The following CBX3 variants were observed in gnomAD, a reference collection of about 807,000 sequenced individuals.
CBX3 encodes the protein chromobox protein homolog 3.
Under a neutral mutation model 22.6 loss-of-function variants are expected in CBX3, and 5 were observed. The observed-to-expected ratio is 0.22, with a 90% CI of 0.12 to 0.47. The LOEUF (loss-of-function observed/expected upper bound fraction) is 0.47. CBX3 is among the 20% of genes least tolerant of loss of function. The pLI, the probability that CBX3 is intolerant of heterozygous loss-of-function variation, is 0.99. For synonymous variants in CBX3, 50 were observed against 66.6 expected (o/e 0.75, Z 1.21); for missense variants, 83 against 208.1 (o/e 0.40, Z 3.70).
chr7:26,205,224 CAT>C (rs1320605123), intron 2 of CBX3, among the ~76,000 whole-genome samples: 3 of 152,124 alleles, frequency 2.0e-5, no homozygotes, highest in Non-Finnish European at 4.4e-5. Context: ...TTAGTCCTCT[CAT>C]AGGAAATCTT....
rs1037384815 is a variant in CBX3, at chr7:26,203,130, C to G, written c.24+108C>G. 8.7e-6 allele frequency: 6 copies of G among 689,074 alleles called. No homozygotes were observed. In the Admixed American group the frequency reaches 1.3e-4, roughly 15 times the overall value. The allele number at this position is 689,074 out of a possible 1,614,324, so 42.7% of individuals were successfully genotyped here. ...GAGAAATTTACATCCACATATTTCC[C>G]AGCTCTCCCAGTGTAAATTACAGGG... On this transcript the variant is annotated intron_variant, in intron 2 of 5. Transcript: ENST00000396386.
intron 1 of CBX3, chr7:26,202,698 A>C (rs572700048): frequency 9.4e-5 from 38 of 403,736 alleles, no homozygotes; most frequent in African/African-American, 6.5e-4. Context: ...AATGGGACTT[A>C]GATTGGAAAA....
chr7:26,205,856 C>A (rs1394358123), intron 2 of CBX3, among the ~76,000 whole-genome samples: 1 of 152,172 alleles, frequency 6.6e-6, no homozygotes, highest in African/African-American at 2.4e-5. Context: ...GAGGCCCAGG[C>A]TGGTGAATCA....
In CBX3 at chr7:26,211,771, AT is replaced by A. The variant is rs1329067253; in HGVS notation, c.425+17del. 3.3e-6 allele frequency: 5 copies of A among 1,519,280 alleles called. No homozygotes were observed. Among genetic ancestry groups the A allele is most frequent in the Non-Finnish European group, 4.5e-6 (5 of 1,117,590 alleles). 94.1% of individuals were successfully genotyped at this position (1,519,280 alleles called of 1,614,324 possible). ...CTCATGAAATGGTGAGTATGCAGAG[AT>A]TGTTACATTTGAAAGTAAGAGTAGC... On this transcript the variant is annotated intron_variant, in intron 5 of 5. Transcript: ENST00000396386.
intron 2 of CBX3, 34 bp downstream of exon 2, chr7:26,203,056 T>G: frequency 1.4e-6 from 2 of 1,418,932 alleles, no homozygotes; most frequent in Non-Finnish European, 1.9e-6. Flanking sequence ...ATGTAAGGAT[T>G]TAACTCAAGT....
At chr7:26,206,316 T>C in intron 2 of CBX3, 52 bp from the exon 3 acceptor site, 2 of 1,260,016 alleles carry the variant, frequency 1.6e-6, no homozygotes, top group Non-Finnish European at 2.2e-6. Context: ...CTTGAAAATG[T>C]GCTCAAAATT....
chr7:26,204,878 C>T (rs186247543), intron 2 of CBX3, among the ~76,000 whole-genome samples: 1,565 of 152,210 alleles, frequency 0.01, 15 homozygotes, highest in Non-Finnish European at 0.013. Context: ...CAACTTAAGC[C>T]TCCTGGGTTC....
chr7:26,203,523 T>C (rs960362381), intron 2 of CBX3, among the ~76,000 whole-genome samples: 15 of 152,190 alleles, frequency 9.9e-5, no homozygotes, highest in East Asian at 9.6e-4. Context: ...TAGAAGAATA[T>C]TAAGTTTAAT....
At chr7:26,206,541 G>GT (rs1358251129) in intron 3 of CBX3, 31 bp downstream of exon 3, 9 of 1,602,200 alleles carry the variant, frequency 5.6e-6, no homozygotes, top group Non-Finnish European at 7.7e-6. Context: ...TTTACTATAT[G>GT]TTTAACTGCA....
intron 2 of CBX3, 59 bp downstream of exon 2, chr7:26,203,081 G>C (rs376582453): frequency 5.6e-4 from 628 of 1,113,888 alleles, no homozygotes; most frequent in Middle Eastern, 6.0e-4. Flanking sequence ...TTTCCCCACA[G>C]TATAACTTTG....
At chr7:26,207,023 T>G (rs1172340477) in intron 3 of CBX3, among the ~76,000 whole-genome samples, 1 of 152,226 alleles carries the variant, frequency 6.6e-6, no homozygotes, top group Non-Finnish European at 1.5e-5. Flanking sequence ...CTTGATAATG[T>G]TATTCACAAA....
At chr7:26,202,930 G>T in intron 1 of CBX3, 41 bp from the exon 2 acceptor site, 1 of 1,239,176 alleles carries the variant, frequency 8.1e-7, no homozygotes. Flanking sequence ...TACCTTTTTT[G>T]TGTCATGCAA....
At chr7:26,211,960 A>G in intron 5 of CBX3, 122 bp from the exon 6 acceptor site, 2 of 946,744 alleles carry the variant, frequency 2.1e-6, no homozygotes, top group Non-Finnish European at 1.5e-6. Flanking sequence ...AGCAACAAGT[A>G]ACATAACTCT....
chr7:26,208,177 C>T (rs369270627), intron 3 of CBX3: 2 of 363,070 alleles, frequency 5.5e-6, no homozygotes, highest in East Asian at 3.9e-5. Context: ...AGCTATGATT[C>T]CACTACTGCA....
chr7:26,203,137 C>T, intron 2 of CBX3, 115 bp downstream of exon 2: 1 of 723,440 alleles, frequency 1.4e-6, no homozygotes, highest in Non-Finnish European at 2.4e-6. Context: ...TCCCAGCTCT[C>T]CCAGTGTAAA....
intron 1 of CBX3, chr7:26,202,662 A>G (rs1366308838): frequency 6.4e-6 from 2 of 311,698 alleles, no homozygotes; most frequent in Non-Finnish European, 1.2e-5. Flanking sequence ...ATTGTCCTTT[A>G]AAAATGGAAC....
intron 3 of CBX3, 56 bp downstream of exon 3, chr7:26,206,566 G>A: frequency 1.3e-6 from 2 of 1,561,464 alleles, no homozygotes; most frequent in African/African-American, 1.4e-5. Context: ...AGTGGTTTTA[G>A]AATTTGTTTT....
At chr7:26,206,658 C>G in intron 3 of CBX3, 148 bp downstream of exon 3, 1 of 758,058 alleles carries the variant, frequency 1.3e-6, no homozygotes, top group East Asian at 2.6e-5. Flanking sequence ...CATTTGAGGT[C>G]TATTTCAAAA....
At chr7:26,201,600 A>G (rs1221298161), upstream of CBX3, 1 of 147,808 alleles carries the variant, frequency 6.8e-6, no homozygotes, top group African/African-American at 2.5e-5. Context: ...CCCTCCCCCT[A>G]GGGCCCCAAT....
Sources: allele counts gnomAD v4.1 joint callset (sites outside exome capture counted in the v4.1 genomes callset), GRCh38; gene constraint gnomAD v4.1.1; transcripts MANE v1.5; gene names NCBI Gene and HGNC (gene_info 2026-07-23, HGNC 2026-07-21).